The following CHD8 variants were observed in gnomAD, a reference collection of about 807,000 sequenced individuals.
The protein encoded by CHD8 is chromodomain helicase DNA binding protein 8, also known as ATP-dependent chromatin remodeler CHD8.
Under a neutral mutation model 279.2 loss-of-function variants are expected in CHD8, and 31 were observed. The observed-to-expected ratio is 0.11, with a 90% CI of 0.08 to 0.15. The LOEUF (loss-of-function observed/expected upper bound fraction) is 0.15, where lower values mean the gene tolerates loss of function less well. CHD8 is among the 10% of genes least tolerant of loss of function. CHD8 has a pLI of 1.00. For missense variants in CHD8, 2,146 were observed against 3,230.5 expected (o/e 0.66, Z 8.14); for synonymous variants, 1,081 against 1,139.6 (o/e 0.95, Z 1.04).
chr14:21,390,768 C>CA lies in CHD8; in HGVS notation c.7182+178dup, dbSNP rs34364818. 0.029 allele frequency among the ~76,000 whole-genome samples: 4,006 copies of CA among 136,354 alleles called. 172 individuals are homozygous for CA. The highest frequency in any genetic ancestry group is 0.1 in the African/African-American group (3,660 of 36,348). The allele number at this position is 136,354 out of a possible 152,430, so 89.5% of individuals were successfully genotyped here. On this transcript the variant is annotated intron_variant, in intron 37 of 37. Transcript: ENST00000646647. Reference sequence around the variant, plus strand: ...ACGACAGCAGAGTGAGACTCCGTCTCAAAAAAAAAAAAAAAACCCCAGAAA... The same window carrying CA: ...ACGACAGCAGAGTGAGACTCCGTCTCAAAAAAAAAAAAAAAAACCCCAGAAA...
At chr14:21,386,324 G>T in intron 37 of CHD8, 148 bp from the exon 38 acceptor site, 1 of 673,318 alleles carries the variant, frequency 1.5e-6, no homozygotes, top group Non-Finnish European at 2.5e-6. Flanking sequence ...AGGCTTGATT[G>T]GTGGTAATGG....
At chr14:21,414,470 G>T in intron 8 of CHD8, 52 bp from the exon 9 acceptor site, 2 of 980,546 alleles carry the variant, frequency 2.0e-6, no homozygotes, top group Admixed American at 2.2e-5. Context: ...AAGGTGGCAG[G>T]CTACTGTCTG....
intron 1 of CHD8, among the ~76,000 whole-genome samples, chr14:21,432,947 C>T (rs1282359984): frequency 1.3e-5 from 2 of 152,102 alleles, no homozygotes; most frequent in Non-Finnish European, 2.9e-5. Flanking sequence ...TCTCAAGATG[C>T]CTGGAAAACT....
intron 11 of CHD8, 122 bp downstream of exon 11, chr14:21,409,729 C>T (rs1888404544): frequency 1.1e-6 from 1 of 882,604 alleles, no homozygotes; most frequent in Non-Finnish European, 1.7e-6. Flanking sequence ...TATACCATTT[C>T]TTCGATTTTT....
At chr14:21,443,754 G>A (rs1319296808) in intron 1 of CHD8, among the ~76,000 whole-genome samples, 1 of 151,158 alleles carries the variant, frequency 6.6e-6, no homozygotes, top group Admixed American at 6.6e-5. Context: ...TACTGGGGAG[G>A]CTGAGGCAGG....
chr14:21,454,876 A>G (rs1726300117), intron 1 of CHD8: 2 of 152,240 alleles, frequency 1.3e-5, no homozygotes, highest in South Asian at 4.1e-4. Context: ...GATGACCAAT[A>G]CAAAAGAAAT....
intron 1 of CHD8, among the ~76,000 whole-genome samples, chr14:21,452,399 T>C (rs1041856245): frequency 6.6e-6 from 1 of 151,866 alleles, no homozygotes; most frequent in Non-Finnish European, 1.5e-5. Flanking sequence ...TCCTGGCACT[T>C]TGGGAGGCCG....
chr14:21,452,735 C>T (rs1890286690), intron 1 of CHD8, among the ~76,000 whole-genome samples: 1 of 151,936 alleles, frequency 6.6e-6, no homozygotes, highest in Admixed American at 6.6e-5. Context: ...CCTGTAATCC[C>T]AGCGATTTGG....
At chr14:21,438,218 AC>A (rs753112899) in intron 1 of CHD8, among the ~76,000 whole-genome samples, 2 of 151,756 alleles carry the variant, frequency 1.3e-5, no homozygotes, top group Non-Finnish European at 2.9e-5. Context: ...CTGCCACCAC[AC>A]CTAGCTAATT....
chr14:21,420,765 A>C (rs541442653), intron 5 of CHD8, among the ~76,000 whole-genome samples: 6 of 145,822 alleles, frequency 4.1e-5, no homozygotes, highest in African/African-American at 1.5e-4. Flanking sequence ...TCTCATACAC[A>C]TTTTTTTTTT....
In CHD8 at chr14:21,392,561, G is replaced by A. The variant is rs1887594779; in HGVS notation, c.6717C>T (p.Phe2239=). 1.2e-6 allele frequency: 2 copies of A among 1,613,462 alleles called. No individual in the cohort carries two copies. Among genetic ancestry groups the A allele is most frequent in the East Asian group, 2.2e-5 (1 of 44,886 alleles). ...CATCCATGCCTCGGCGAAGTTTGGTGAACTGGGCTGCCGCTGTGCTGACTG... is the reference window on the plus strand; with the variant it reads ...CATCCATGCCTCGGCGAAGTTTGGTAAACTGGGCTGCCGCTGTGCTGACTG... The part of the protein sequence containing the change: ...ASAVSTAAAQ[F]TKLRRGMDEK... The change falls in exon 34 of 38, where the codon TTC becomes TTT. Residue 2239 remains phenylalanine (F), a synonymous_variant. Transcript: ENST00000646647.
rs918770807 is a variant in CHD8, at chr14:21,436,954, G to A, written c.-215-5096C>T. On this transcript the variant is annotated intron_variant, in intron 1 of 37. Transcript: ENST00000646647. ...TAAGGTCCATACAGCAGAGGCGGAA[G>A]ATTTCTGGTAACTGGAGACCCCAAA... 7.8e-6 allele frequency: 10 copies of A among 1,287,652 alleles called. No individual in the cohort carries two copies. The Admixed American group carries it at 9.2e-5, about 12-fold the overall frequency. The allele number at this position is 1,287,652 out of a possible 1,614,324, so 79.8% of individuals were successfully genotyped here. A position where few individuals can be genotyped will look rare whatever the true frequency, so the allele number is the denominator to read the frequency against.
intron 1 of CHD8, among the ~76,000 whole-genome samples, chr14:21,452,647 GAA>G (rs1348233856): frequency 7.5e-6 from 1 of 133,064 alleles, no homozygotes; most frequent in African/African-American, 2.7e-5. Flanking sequence ...TGTCTCAAAA[GAA>G]AAAAAAAAAA....
At position 21,405,031 on chromosome 14, in the gene CHD8, C is replaced by T; in HGVS notation, c.3307+178G>A. The T allele has an allele frequency of 4.9e-6, 3 of 613,910 alleles. No individual in the cohort carries two copies. The highest frequency in any genetic ancestry group is 8.4e-6 in the Non-Finnish European group (3 of 358,156). 38.0% of individuals were successfully genotyped at this position (613,910 alleles called of 1,614,324 possible). ...ATTTTTTGTAGAGGTGGGATTTCAT[C>T]ATGTTGCCCAGGCTTAGAGTCTCTT... On this transcript the variant is annotated intron_variant, in intron 16 of 37. Transcript: ENST00000646647. The surrounding 1 kb of genome is among the most constrained non-coding windows in gnomAD (Gnocchi z 4.2).
At chr14:21,440,331 C>T (rs1246322856) in intron 1 of CHD8, among the ~76,000 whole-genome samples, 7 of 151,990 alleles carry the variant, frequency 4.6e-5, no homozygotes, top group African/African-American at 1.7e-4. Context: ...CTCAGCCTCC[C>T]GGGTAGCTGG....
At chr14:21,406,564 T>C (rs1307155169) in intron 14 of CHD8, among the ~76,000 whole-genome samples, 3 of 152,206 alleles carry the variant, frequency 2.0e-5, no homozygotes, top group Non-Finnish European at 4.4e-5. Context: ...AGCTAGAAGA[T>C]CATGAAAAAT....
intron 4 of CHD8, 41 bp from the exon 5 acceptor site, chr14:21,426,283 G>C (rs750164092): frequency 8.0e-6 from 8 of 1,003,494 alleles, no homozygotes; most frequent in Non-Finnish European, 1.2e-5. Flanking sequence ...TGAAAGCAAA[G>C]AAAATTTAGG....
chr14:21,408,786 A>G lies in CHD8; in HGVS notation c.2404T>C (p.Ser802Pro), dbSNP rs1888357949. ...TGGTTTCTGTTTTTATATTCATGTG[A>G]TAGCTCCAATTTCTTCCAGGCACTT... ...QASAWKKLEL[S>P]HEYKNRNQLR... Residue 802 changes from serine (S) to proline (P), a missense_variant, in exon 12 of 38, where the codon TCA becomes CCA. Ser to Pro is a moderately conservative substitution (Grantham distance 74). This residue lies in a region of CHD8 where 211 missense variants were observed against 464.7 expected (regional missense o/e 0.45). Transcript: ENST00000646647. This position sits in a 1 kb window ranked among gnomAD's most constrained non-coding sequence, Gnocchi z 4.3. The G allele has an allele frequency of 2.1e-5, 33 of 1,609,740 alleles. No individual in the cohort carries two copies. Among genetic ancestry groups the G allele is most frequent in the Non-Finnish European group, 2.8e-5 (33 of 1,177,698 alleles).
Position 21,403,139 on chromosome 14 carries a change from G to T in CHD8, c.3592C>A (p.Pro1198Thr), listed in dbSNP as rs1888106049. The change falls in exon 18 of 38, where the codon CCT becomes ACT. Residue 1198 changes from proline (P) to threonine (T), a missense_variant. Physicochemically the swap from Pro to Thr is conservative, Grantham distance 38. Around this residue, in one of 26 missense-constraint regions of CHD8, gnomAD observed 48 missense variants for 135.7 expected, o/e 0.35. Transcript: ENST00000646647. The surrounding 1 kb of genome is among the most constrained non-coding windows in gnomAD (Gnocchi z 4.3). Reference sequence around the variant, plus strand: ...AAGAAGACAAAGCGGTCTGAGTCAGGCTTGCTGAAGCGGTCAATGGCAGCC... The same window carrying T: ...AAGAAGACAAAGCGGTCTGAGTCAGTCTTGCTGAAGCGGTCAATGGCAGCC... ...RQAAIDRFSKPDSDRFVFLLC... is the reference protein window; with the variant it reads ...RQAAIDRFSKTDSDRFVFLLC... 2 of 1,613,918 alleles carry T rather than the reference G, an allele frequency of 1.2e-6. No individual in the cohort carries two copies. Among genetic ancestry groups the T allele is most frequent in the Admixed American group, 3.3e-5 (2 of 60,004 alleles).
Sources: allele counts gnomAD v4.1 joint callset (sites outside exome capture counted in the v4.1 genomes callset), GRCh38; gene constraint gnomAD v4.1.1; regional missense constraint gnomAD v4.1.1; non-coding constraint Gnocchi (gnomAD v3.1); transcripts MANE v1.5; gene names NCBI Gene and HGNC (gene_info 2026-07-23, HGNC 2026-07-21).